The following DGKH variants were observed in gnomAD, a reference collection of about 807,000 sequenced individuals.
DGKH encodes diacylglycerol kinase eta, also known as DAG kinase eta.
In DGKH, 90 loss-of-function variants were observed where a neutral mutation model predicts 159.3. The ratio of observed to expected loss-of-function variants is 0.57; its 90% CI spans 0.48 to 0.67. The LOEUF is 0.67. Ranked by LOEUF, DGKH falls within the 30% of genes least tolerant of loss-of-function variation. DGKH has a pLI of 0.00. For missense variants in DGKH, 1,181 were observed against 1,506.1 expected, an observed-to-expected ratio of 0.78 and a Z score of 3.57; for synonymous variants, 536 against 553.8, an observed-to-expected ratio of 0.97 and a Z score of 0.45.
At chr13:42,182,887 T>C (rs1057262876) in intron 13 of DGKH, among the ~76,000 whole-genome samples, 4 of 148,330 alleles carry the variant, frequency 2.7e-5, no homozygotes, top group African/African-American at 1.0e-4. Flanking sequence ...GTGAACCTTG[T>C]CTGAATTTTG....
Position 42,117,625 on chromosome 13 carries a change from C to T in DGKH, c.193-9838C>T, listed in dbSNP as rs60173350. Among the ~76,000 whole-genome samples, 3 of 152,180 alleles carry T rather than the reference C, an allele frequency of 2.0e-5. No homozygotes were observed. In the East Asian group the frequency reaches 5.8e-4, roughly 29 times the overall value. ...TATTGTAACATAGAGAGGTTTGTAG[C>T]TTCGTGAAGGCAAGGACTATATTTT... On this transcript the variant is annotated intron_variant, in intron 1 of 29. Transcript: ENST00000337343.
intron 2 of DGKH, among the ~76,000 whole-genome samples, chr13:42,129,156 C>T (rs569727336): frequency 4.6e-5 from 7 of 152,202 alleles, no homozygotes; most frequent in South Asian, 2.1e-4. Flanking sequence ...GACTGGTTCT[C>T]AGCTCTCACC....
chr13:42,162,536 A>G (rs1460424550), intron 7 of DGKH, among the ~76,000 whole-genome samples: 3 of 151,880 alleles, frequency 2.0e-5, no homozygotes, highest in Non-Finnish European at 4.4e-5. Flanking sequence ...ATAAAAAAAC[A>G]TGAACACCTG....
upstream of DGKH, among the ~76,000 whole-genome samples, chr13:42,044,834 A>G (rs1593941023): frequency 2.6e-5 from 4 of 152,330 alleles, no homozygotes; most frequent in South Asian, 8.3e-4. Flanking sequence ...TAAATTTCTA[A>G]TCAATTAAAA....
upstream of DGKH, among the ~76,000 whole-genome samples, chr13:42,046,778 A>G (rs1271365239): frequency 6.6e-6 from 1 of 152,268 alleles, no homozygotes; most frequent in East Asian, 1.9e-4. Context: ...CTTTTGTTAT[A>G]CAGTGTGATA....
rs1566134831 is a variant in DGKH at position 42,151,604 on chromosome 13, CACACACACA to C, written c.385-3686_385-3678del. On this transcript the variant is annotated intron_variant, in intron 3 of 29. Transcript: ENST00000337343. ...ACACACACACACACACACACACACACACACACACACCCCATGGAAAACTACTCAGTCATA... is the reference window on the plus strand; with the variant it reads ...ACACACACACACACACACACACACACCCCCATGGAAAACTACTCAGTCATA... Among the ~76,000 whole-genome samples, 9 of 130,620 alleles carry C rather than the reference CACACACACA, an allele frequency of 6.9e-5. No individual in the cohort carries two copies. The South Asian group carries it at 1.0e-3, about 15-fold the overall frequency. The allele number at this position is 130,620 out of a possible 152,430, so 85.7% of individuals were successfully genotyped here. A position where few individuals can be genotyped will look rare whatever the true frequency, so the allele number is the denominator to read the frequency against.
chr13:42,155,571 T>C, intron 4 of DGKH, 96 bp from the exon 5 acceptor site: 1 of 1,570,600 alleles, frequency 6.4e-7, no homozygotes. Flanking sequence ...ATGATGGATT[T>C]GAAAATTTGA....
chr13:42,081,143 A>G (rs1001445700), intron 1 of DGKH, among the ~76,000 whole-genome samples: 1 of 152,194 alleles, frequency 6.6e-6, no homozygotes, highest in African/African-American at 2.4e-5. Context: ...CATGGTTGCC[A>G]AATGAATTTT....
Position 42,048,841 on chromosome 13 carries a change from C to G in DGKH, c.68C>G (p.Ala23Gly). 1.5e-6 allele frequency: 2 copies of G among 1,354,972 alleles called. No homozygotes were observed. The highest frequency in any genetic ancestry group is 4.1e-5 in the South Asian group (2 of 48,862). The allele number at this position is 1,354,972 out of a possible 1,614,324, so 83.9% of individuals were successfully genotyped here. A position where few individuals can be genotyped will look rare whatever the true frequency, so the allele number is the denominator to read the frequency against. ...AAGGAAAGAG[A>G]AVTSAAASAG... The stretch of plus-strand genomic sequence containing the variant: ...GGAGGAGCGGCCGCCGGAGCCGGCG[C>G]CGCGGTCACCTCCGCCGCTGCCTCG... The change falls in exon 1 of 30, where the codon GCC (alanine) becomes GGC (glycine). Residue 23 changes from alanine (A) to glycine (G), a missense_variant. Ala to Gly is a moderately conservative substitution (Grantham distance 60, BLOSUM62 0). This residue lies in a region of DGKH where 136 missense variants were observed against 132.2 expected (regional missense o/e 1.03). Transcript: ENST00000337343. The surrounding 1 kb of genome is among the most constrained non-coding windows in gnomAD (Gnocchi z 6.7).
intron 1 of DGKH, among the ~76,000 whole-genome samples, chr13:42,115,803 T>C (rs1045375627): frequency 1.3e-5 from 2 of 152,276 alleles, no homozygotes; most frequent in East Asian, 3.9e-4. Context: ...AACCAGAGTT[T>C]GGCAGTTTTT....
At chr13:42,247,742 T>A (rs1260176491), downstream of DGKH, among the ~76,000 whole-genome samples, 1 of 152,196 alleles carries the variant, frequency 6.6e-6, no homozygotes, top group East Asian at 1.9e-4. Context: ...TGTGTAGGCC[T>A]AGGTTAATGT....
chr13:42,161,116 A>G (rs542166012), intron 7 of DGKH, among the ~76,000 whole-genome samples: 2 of 152,332 alleles, frequency 1.3e-5, no homozygotes, highest in South Asian at 4.1e-4. Flanking sequence ...AGACTGTAAC[A>G]GGTGTCTCTC....
At chr13:42,126,622 C>T (rs1484423531) in intron 1 of DGKH, among the ~76,000 whole-genome samples, 1 of 152,238 alleles carries the variant, frequency 6.6e-6, no homozygotes, top group African/African-American at 2.4e-5. Context: ...CTACCTCTTA[C>T]AGCTGCATCT....
chr13:42,164,430 G>A (rs1051635290), intron 7 of DGKH, among the ~76,000 whole-genome samples: 1 of 152,106 alleles, frequency 6.6e-6, no homozygotes, highest in African/African-American at 2.4e-5. Context: ...CTAAAAACAG[G>A]TCTTCACCAG....
intron 21 of DGKH, among the ~76,000 whole-genome samples, chr13:42,208,122 G>T (rs968123382): frequency 5.9e-5 from 9 of 152,004 alleles, no homozygotes; most frequent in African/African-American, 2.2e-4. Flanking sequence ...TTTCCAGTTA[G>T]TAATAGCAGA....
In DGKH at chr13:42,236,934, A is replaced by G. The variant is rs1025220100; in HGVS notation, c.*7746A>G. The G allele has an allele frequency of 6.6e-6, 1 of 152,208 alleles. No individual in the cohort carries two copies. The highest frequency in any genetic ancestry group is 1.5e-5 in the Non-Finnish European group (1 of 68,048). The allele number at this position is 152,208 out of a possible 1,614,324, so 9.4% of individuals were successfully genotyped here. A position where few individuals can be genotyped will look rare whatever the true frequency, so the allele number is the denominator to read the frequency against. The stretch of plus-strand genomic sequence containing the variant: ...AAAAAAAAGAATTTTGAACCCCCCA[A>G]AATATCACATATCTAGCAGTTCTAG... On this transcript the variant is annotated 3_prime_UTR_variant, in exon 30 of 30. Transcript: ENST00000337343.
chr13:42,053,078 A>G (rs759002743), intron 1 of DGKH, among the ~76,000 whole-genome samples: 49 of 152,270 alleles, frequency 3.2e-4, no homozygotes, highest in Non-Finnish European at 4.9e-4. Context: ...GCTTATGCCT[A>G]TAATCCTACC....
chr13:42,101,357 A>G (rs1170191), intron 1 of DGKH, among the ~76,000 whole-genome samples: 122,968 of 152,214 alleles, frequency 0.81, 50,185 homozygotes, highest in African/African-American at 0.89. Flanking sequence ...GGAATAAACC[A>G]TTTGATTTGT....
intron 3 of DGKH, among the ~76,000 whole-genome samples, chr13:42,133,169 T>TC (rs1955326818): frequency 1.1e-5 from 1 of 90,166 alleles, no homozygotes; most frequent in Non-Finnish European, 2.4e-5. Context: ...AGACTTTGTC[T>TC]CAAAAAAAAA....
Sources: gnomAD v4.1 joint callset for allele counts (sites outside exome capture counted in the v4.1 genomes callset) on GRCh38, gnomAD v4.1.1 for gene constraint, gnomAD v4.1.1 regional missense constraint, Gnocchi (gnomAD v3.1) non-coding constraint, MANE v1.5 for transcripts, NCBI Gene and HGNC (gene_info 2026-07-23, HGNC 2026-07-21) for gene names.